Variants in ACOT12 observed in about 807,000 individuals in gnomAD.
ACOT12 encodes the protein acyl-CoA thioesterase 12.
ACOT12 carries 51 observed loss-of-function variants against 67.7 expected under a neutral mutation model. That is an observed-to-expected ratio of 0.75 (90% CI 0.60 to 0.95). The LOEUF (loss-of-function observed/expected upper bound fraction) is 0.95. Among genes scored for constraint, ACOT12 ranks in the 40% least tolerant of loss-of-function variants. ACOT12 has a pLI of 0.00. For missense variants in ACOT12, 734 were observed against 708.1 expected (o/e 1.04, Z -0.41); for synonymous variants, 251 against 244.6 (o/e 1.03, Z -0.24).
At chr5:81,393,297 T>C (rs1050248710) in intron 1 of ACOT12, among the ~76,000 whole-genome samples, 98 of 152,346 alleles carry the variant, frequency 6.4e-4, no homozygotes, top group African/African-American at 2.3e-3. Context: ...AGTTATTTCT[T>C]AATTAAAAAT....
chr5:81,326,599 G>T (rs1189875595), downstream of ACOT12, among the ~76,000 whole-genome samples: 1 of 152,202 alleles, frequency 6.6e-6, no homozygotes, highest in Non-Finnish European at 1.5e-5. Flanking sequence ...GACAAGAAGG[G>T]CCTAGTGAAT....
chr5:81,367,996 G>T (rs916174468), intron 3 of ACOT12, among the ~76,000 whole-genome samples: 3 of 152,078 alleles, frequency 2.0e-5, no homozygotes, highest in Non-Finnish European at 4.4e-5. Context: ...ACATCAGGAA[G>T]AGTTAAGAAT....
intron 12 of ACOT12, 82 bp downstream of exon 12, chr5:81,335,686 G>T: frequency 1.4e-6 from 2 of 1,455,380 alleles, no homozygotes; most frequent in Non-Finnish European, 1.9e-6. Flanking sequence ...CACATTGGAC[G>T]ATGGAGATGG....
chr5:81,311,243 C>T, the ACOT12 span: 1 of 1,614,092 alleles, frequency 6.2e-7, no homozygotes, highest in South Asian at 1.1e-5. Flanking sequence ...CTCTGTGGAA[C>T]ATTTAAAGAA....
the ACOT12 span, among the ~76,000 whole-genome samples, chr5:81,324,792 G>C: frequency 6.6e-6 from 1 of 152,220 alleles, no homozygotes; most frequent in Non-Finnish European, 1.5e-5. Context: ...AGGCTGCTCA[G>C]AGACTAAGTA....
chr5:81,388,356 CTG>C (rs1485612846), intron 1 of ACOT12, among the ~76,000 whole-genome samples: 2 of 152,140 alleles, frequency 1.3e-5, no homozygotes, highest in Non-Finnish European at 2.9e-5. Context: ...TACATGCGTG[CTG>C]TGTTTTTAAA....
intron 7 of ACOT12, among the ~76,000 whole-genome samples, chr5:81,345,629 C>T (rs1180782558): frequency 6.6e-6 from 1 of 151,922 alleles, no homozygotes; most frequent in African/African-American, 2.4e-5. Context: ...ATGACAGGTA[C>T]AAACCAGGTC....
At chr5:81,373,156 A>C (rs4703835) in intron 2 of ACOT12, among the ~76,000 whole-genome samples, 27,464 of 152,092 alleles carry the variant, frequency 0.18, 2,626 homozygotes, top group Admixed American at 0.22. Flanking sequence ...GCATTTCCAA[A>C]TGAGGTACCC....
the ACOT12 span, among the ~76,000 whole-genome samples, chr5:81,318,299 T>G: frequency 6.6e-6 from 1 of 152,184 alleles, no homozygotes. Context: ...TTTAGAGTAT[T>G]CTTTCTTCAT....
At chr5:81,338,572 T>C (rs559668305) in intron 11 of ACOT12, among the ~76,000 whole-genome samples, 2 of 152,332 alleles carry the variant, frequency 1.3e-5, no homozygotes, top group South Asian at 2.1e-4. Context: ...TAAACCTCTT[T>C]TCTTTATAAA....
At chr5:81,385,391 C>T (rs986426810) in intron 2 of ACOT12, among the ~76,000 whole-genome samples, 1 of 152,130 alleles carries the variant, frequency 6.6e-6, no homozygotes, top group Non-Finnish European at 1.5e-5. Flanking sequence ...CACTTGAGCC[C>T]AGGAGGAATA....
intron 3 of ACOT12, among the ~76,000 whole-genome samples, chr5:81,367,814 T>C (rs1490205121): frequency 6.6e-6 from 1 of 152,096 alleles, no homozygotes; most frequent in Non-Finnish European, 1.5e-5. Flanking sequence ...ATATATTCTG[T>C]TTATAAGAAA....
chr5:81,380,204 T>G (rs1187381624), intron 2 of ACOT12, among the ~76,000 whole-genome samples: 2 of 152,182 alleles, frequency 1.3e-5, no homozygotes, highest in Non-Finnish European at 2.9e-5. Context: ...GGAGAGGAAT[T>G]TGGCAATGTT....
At chr5:81,344,074 G>A in intron 9 of ACOT12, 86 bp downstream of exon 9, 1 of 1,421,454 alleles carries the variant, frequency 7.0e-7, no homozygotes, top group East Asian at 2.3e-5. Flanking sequence ...TCCGTTACGT[G>A]GGAATAGAGA....
At chr5:81,318,506 T>C in the ACOT12 span, among the ~76,000 whole-genome samples, 42,703 of 152,002 alleles carry the variant, frequency 0.28, 6,289 homozygotes, top group Middle Eastern at 0.39. Context: ...TTCTCTTGTT[T>C]ATTTTCTCTT....
intron 13 of ACOT12, among the ~76,000 whole-genome samples, chr5:81,332,258 T>G (rs1758851868): frequency 6.6e-6 from 1 of 152,232 alleles, no homozygotes; most frequent in Non-Finnish European, 1.5e-5. Context: ...GAAAAGGAAC[T>G]ACTTTAGGAT....
At chr5:81,393,061 T>C (rs1323621135) in intron 1 of ACOT12, among the ~76,000 whole-genome samples, 1 of 152,204 alleles carries the variant, frequency 6.6e-6, no homozygotes, top group Non-Finnish European at 1.5e-5. Flanking sequence ...GTGTGGGGGA[T>C]ATAATTCAGT....
chr5:81,330,979 AG>A, intron 13 of ACOT12, 39 bp from the exon 14 acceptor site: 1 of 1,537,884 alleles, frequency 6.5e-7, no homozygotes, highest in South Asian at 1.3e-5. Context: ...TGAGAAATAA[AG>A]AATAGTTGTT....
At chr5:81,311,910 G>T in the ACOT12 span, among the ~76,000 whole-genome samples, 1 of 152,000 alleles carries the variant, frequency 6.6e-6, no homozygotes, top group Non-Finnish European at 1.5e-5. Flanking sequence ...AAGACAGTAG[G>T]ATAGCCCAGC....
Sources: gnomAD v4.1 joint callset for allele counts (sites outside exome capture counted in the v4.1 genomes callset) on GRCh38, gnomAD v4.1.1 for gene constraint, MANE v1.5 for transcripts, NCBI Gene and HGNC (gene_info 2026-07-23, HGNC 2026-07-21) for gene names.